The following PHKB variants were observed in gnomAD, a reference collection of about 807,000 sequenced individuals.
PHKB encodes phosphorylase b kinase regulatory subunit beta.
In PHKB, 122 loss-of-function variants were observed where a neutral mutation model predicts 152.1. The observed-to-expected ratio is 0.80, with a 90% CI of 0.69 to 0.93. PHKB has a LOEUF of 0.93. Among genes scored for constraint, PHKB ranks in the 40% least tolerant of loss-of-function variants. The probability of loss-of-function intolerance (pLI) is 0.00; values close to 1 mark genes in which losing one functional copy is unlikely to be tolerated. For missense variants in PHKB, 1,304 were observed against 1,328.4 expected, an observed-to-expected ratio of 0.98 and a Z score of 0.29; for synonymous variants, 436 against 464.9, an observed-to-expected ratio of 0.94 and a Z score of 0.80.
chr16:47,635,538 G>T (rs889080567), intron 14 of PHKB, among the ~76,000 whole-genome samples: 4 of 152,190 alleles, frequency 2.6e-5, no homozygotes, highest in African/African-American at 9.7e-5. Flanking sequence ...GTCTTATAGA[G>T]ATAAGGAATG....
Position 47,693,555 on chromosome 16 carries a change from T to C in PHKB, c.2895+48T>C, listed in dbSNP as rs377648422. On this transcript the variant is annotated intron_variant, in intron 28 of 30. Transcript: ENST00000323584. ...TAAAGAAAGGAGACTTCGCAAAGGG[T>C]AGTGAATCCTTTCCTCTTGCACTGC... 1.6e-5 allele frequency: 26 copies of C among 1,599,246 alleles called. No individual in the cohort carries two copies. In the African/African-American group the frequency reaches 3.5e-4, roughly 21 times the overall value.
chr16:47,483,263 G>T (rs986340458), intron 1 of PHKB, among the ~76,000 whole-genome samples: 1 of 151,590 alleles, frequency 6.6e-6, no homozygotes, highest in Admixed American at 6.6e-5. Flanking sequence ...GGCCATGCTG[G>T]TCTCAAACTC....
At chr16:47,519,620 G>T (rs1205435157) in intron 6 of PHKB, among the ~76,000 whole-genome samples, 4 of 152,182 alleles carry the variant, frequency 2.6e-5, no homozygotes, top group Admixed American at 2.6e-4. Context: ...CAGAGCAAGT[G>T]ATCCAAGAAA....
intron 6 of PHKB, among the ~76,000 whole-genome samples, chr16:47,541,502 G>C (rs1971058239): frequency 6.6e-6 from 1 of 152,140 alleles, no homozygotes; most frequent in Non-Finnish European, 1.5e-5. Flanking sequence ...AATCCTTTGG[G>C]AATATACCCA....
At chr16:47,553,339 G>T (rs2111226) in intron 7 of PHKB, among the ~76,000 whole-genome samples, 17,751 of 151,642 alleles carry the variant, frequency 0.12, 2,266 homozygotes, top group African/African-American at 0.32. Context: ...TCTTGATAAC[G>T]TGTGTATGTG....
At chr16:47,597,686 T>TC (rs1389017683) in intron 13 of PHKB, 7 of 150,020 alleles carry the variant, frequency 4.7e-5, no homozygotes, top group Non-Finnish European at 1.5e-5. Flanking sequence ...TTCTTTTTTT[T>TC]TTTTTTTTTT....
Position 47,535,930 on chromosome 16 carries a change from G to C in PHKB, c.595-11503G>C, listed in dbSNP as rs374592154. ...TCAAAGGTACATGCTTTCAAAGCAA[G>C]GTAACAGAAATTAGAAATTGGTATG... On this transcript the variant is annotated intron_variant, in intron 6 of 30. Coordinates refer to ENST00000323584, the MANE Select transcript of PHKB (RefSeq NM_000293.3). 5.3e-5 allele frequency among the ~76,000 whole-genome samples: 8 copies of C among 152,110 alleles called. No individual in the cohort carries two copies. The East Asian group carries it at 7.7e-4, about 15-fold the overall frequency.
rs1234553645 is a variant in PHKB, at chr16:47,660,838, C to T, written c.2196+19C>T. 1.9e-6 allele frequency: 3 copies of T among 1,612,696 alleles called. No homozygotes were observed. In the African/African-American group the frequency reaches 4.0e-5, roughly 22 times the overall value. On this transcript the variant is annotated intron_variant, in intron 22 of 30. Coordinates refer to ENST00000323584, the MANE Select transcript of PHKB (RefSeq NM_000293.3). ...ACTGAATGTGAGACAGATGCACTTC[C>T]CACATGGCCCTAAGTGAGGTTGCTG...
Position 47,580,280 on chromosome 16 carries a change from C to T in PHKB, c.711-15C>T, listed in dbSNP as rs973696243. On this transcript the variant is annotated splice_polypyrimidine_tract_variant and intron_variant, in intron 7 of 30. Transcript: ENST00000323584. ...CATACATTAGAGTAATAAAGCATTT[C>T]CTTTTCTCTTTTAGCTCGGTTGGTT... 1 of 1,604,730 alleles carries T rather than the reference C, an allele frequency of 6.2e-7. No homozygotes were observed. The highest frequency in any genetic ancestry group is 8.5e-7 in the Non-Finnish European group (1 of 1,171,842).
intron 10 of PHKB, among the ~76,000 whole-genome samples, chr16:47,592,168 A>G (rs1359688469): frequency 6.6e-6 from 1 of 152,080 alleles, no homozygotes; most frequent in Non-Finnish European, 1.5e-5. Flanking sequence ...TTCTCTTTGG[A>G]TTTTGCTCCA....
chr16:47,649,926 T>C (rs116075574), intron 18 of PHKB, among the ~76,000 whole-genome samples: 3,062 of 151,350 alleles, frequency 0.02, 102 homozygotes, highest in African/African-American at 0.07. Flanking sequence ...GATTGACAGA[T>C]AGATAGATAG....
At chr16:47,531,324 A>T (rs185578969) in intron 6 of PHKB, among the ~76,000 whole-genome samples, 3 of 152,308 alleles carry the variant, frequency 2.0e-5, no homozygotes, top group African/African-American at 7.2e-5. Context: ...CACAAAGGTT[A>T]TACTTTTAGA....
At chr16:47,536,155 G>A (rs1471146060) in intron 6 of PHKB, among the ~76,000 whole-genome samples, 3 of 152,126 alleles carry the variant, frequency 2.0e-5, no homozygotes, top group South Asian at 2.1e-4. Context: ...GTGTTCAAGC[G>A]ATTCTCCTGT....
chr16:47,673,843 T>A (rs1464428903), intron 26 of PHKB, among the ~76,000 whole-genome samples: 3 of 152,170 alleles, frequency 2.0e-5, no homozygotes, highest in Non-Finnish European at 4.4e-5. Context: ...AACTTTGAAG[T>A]AGGCACTAGA....
intron 6 of PHKB, among the ~76,000 whole-genome samples, chr16:47,521,382 G>A (rs891327410): frequency 2.6e-5 from 4 of 152,044 alleles, no homozygotes; most frequent in South Asian, 2.1e-4. Flanking sequence ...GGCTGGGTGC[G>A]GTGGCTCACC....
intron 1 of PHKB, among the ~76,000 whole-genome samples, chr16:47,473,176 C>T (rs1969805928): frequency 6.9e-6 from 1 of 145,352 alleles, no homozygotes; most frequent in African/African-American, 2.5e-5. Context: ...TCAAGCATTC[C>T]CTTCTGCTGG....
chr16:47,588,689 C>T (rs928090072), intron 9 of PHKB, among the ~76,000 whole-genome samples: 11 of 152,180 alleles, frequency 7.2e-5, no homozygotes, highest in African/African-American at 1.4e-4. Flanking sequence ...CATTTGAGCC[C>T]GTTGAATCTT....
intron 11 of PHKB, 78 bp downstream of exon 11, chr16:47,593,635 G>T (rs1972069908): frequency 1.2e-6 from 1 of 861,360 alleles, no homozygotes. Flanking sequence ...GTTTAAAGAA[G>T]AGCAGAAATA....
intron 7 of PHKB, among the ~76,000 whole-genome samples, chr16:47,571,522 C>T (rs934238356): frequency 1.4e-4 from 21 of 152,204 alleles, no homozygotes; most frequent in Non-Finnish European, 2.9e-5. Flanking sequence ...ACAAGCACCT[C>T]TGTCCATCTG....
Sources: gnomAD v4.1 joint callset for allele counts (sites outside exome capture counted in the v4.1 genomes callset) on GRCh38, gnomAD v4.1.1 for gene constraint, MANE v1.5 for transcripts, NCBI Gene and HGNC (gene_info 2026-07-23, HGNC 2026-07-21) for gene names.